The following SFN variants were observed in gnomAD, a reference collection of about 807,000 sequenced individuals.
SFN encodes stratifin.
A neutral mutation model predicts 19.1 loss-of-function variants in SFN; 5 were observed. The observed-to-expected ratio is 0.26, with a 90% CI of 0.14 to 0.55. The LOEUF (loss-of-function observed/expected upper bound fraction) is 0.55, where lower values mean the gene tolerates loss of function less well. Among genes scored for constraint, SFN ranks in the 20% least tolerant of loss-of-function variants. SFN has a pLI of 0.94. For synonymous variants in SFN, 130 were observed against 140.9 expected, an observed-to-expected ratio of 0.92 and a Z score of 0.55; for missense variants, 287 against 330.0, an observed-to-expected ratio of 0.87 and a Z score of 1.01.
chr1:26,863,712 C>T lies in SFN; in HGVS notation c.500C>T (p.Pro167Leu), dbSNP rs75914997. The T allele has an allele frequency of 1.1e-5, 18 of 1,614,072 alleles. No individual in the cohort carries two copies. The Admixed American group carries it at 2.7e-4, about 24-fold the overall frequency. Residue 167 changes from proline to leucine, a missense_variant, in exon 1 of 1, where the codon CCC (proline) becomes CTC (leucine). Transcript: ENST00000339276. The surrounding 1 kb of genome is among the most constrained non-coding windows in gnomAD (Gnocchi z 7.4). Reference protein sequence around the residue: ...ISKKEMPPTNPIRLGLALNFS... With the variant: ...ISKKEMPPTNLIRLGLALNFS... ...AAGAAGGAGATGCCGCCCACCAACC[C>T]CATCCGCCTGGGCCTGGCCCTGAAC... is the stretch of plus-strand genomic sequence containing the variant.
chr1:26,864,007 G>T lies in SFN; in HGVS notation c.*48G>T. ...CCTGCCCCCTCCAGTCCCCCACCCTGCCGAGAGGACTAGTATGGGGTGGGA... is the reference window on the plus strand; with the variant it reads ...CCTGCCCCCTCCAGTCCCCCACCCTTCCGAGAGGACTAGTATGGGGTGGGA... On this transcript the variant is annotated 3_prime_UTR_variant, in exon 1 of 1. Coordinates refer to ENST00000339276, the MANE Select transcript of SFN (RefSeq NM_006142.5). This position sits in a 1 kb window ranked among gnomAD's most constrained non-coding sequence, Gnocchi z 5.2. The T allele has an allele frequency of 6.9e-7, 1 of 1,450,516 alleles. No homozygotes were observed. The highest frequency in any genetic ancestry group is 2.4e-5 in the East Asian group (1 of 40,988). The allele number at this position is 1,450,516 out of a possible 1,614,324, so 89.9% of individuals were successfully genotyped here. A position where few individuals can be genotyped will look rare whatever the true frequency, so the allele number is the denominator to read the frequency against.
Position 26,864,102 on chromosome 1 carries a change from G to C in SFN, c.*143G>C. 1 of 736,198 alleles carries C rather than the reference G, an allele frequency of 1.4e-6. No homozygotes were observed. Among genetic ancestry groups the C allele is most frequent in the Non-Finnish European group, 2.2e-6 (1 of 449,884 alleles). 45.6% of individuals were successfully genotyped at this position (736,198 alleles called of 1,614,324 possible). A position where few individuals can be genotyped will look rare whatever the true frequency, so the allele number is the denominator to read the frequency against. On this transcript the variant is annotated 3_prime_UTR_variant, in exon 1 of 1. Transcript: ENST00000339276. This position sits in a 1 kb window ranked among gnomAD's most constrained non-coding sequence, Gnocchi z 5.2. ...TCCGTGGAGAGGGACTGGCAGAGCT[G>C]AGGCCACCTGGGGCTGGGGATCCCA...
rs3065004 is a variant in SFN, at chr1:26,864,330, G to GGTGTGTGTGTGT, written c.*395_*406dup. On this transcript the variant is annotated 3_prime_UTR_variant, in exon 1 of 1. Coordinates refer to ENST00000339276, the MANE Select transcript of SFN (RefSeq NM_006142.5). This position sits in a 1 kb window ranked among gnomAD's most constrained non-coding sequence, Gnocchi z 5.2. ...TGGACAGTGGCAGGGGCTGGAGATG[G>GGTGTGTGTGTGT]GTGTGTGTGTGTGTGTGTGTGTGTG... 67 of 202,588 alleles carry GGTGTGTGTGTGT rather than the reference G, an allele frequency of 3.3e-4. 1 individual carries two copies. Among genetic ancestry groups the GGTGTGTGTGTGT allele is most frequent in the Non-Finnish European group, 6.1e-4 (57 of 93,376 alleles). The allele number at this position is 202,588 out of a possible 1,614,324, so 12.5% of individuals were successfully genotyped here. A position where few individuals can be genotyped will look rare whatever the true frequency, so the allele number is the denominator to read the frequency against.
chr1:26,863,407 T>C lies in SFN; in HGVS notation c.195T>C (p.Ile65=). The change falls in exon 1 of 1, where the codon ATT becomes ATC. Residue 65 remains isoleucine, a synonymous_variant. Transcript: ENST00000339276. The surrounding 1 kb of genome is among the most constrained non-coding windows in gnomAD (Gnocchi z 7.4). ...CTGCCTGGAGGGTGCTGTCCAGTAT[T>C]GAGCAGAAAAGCAACGAGGAGGGCT... ...QRAAWRVLSS[I]EQKSNEEGSE... is the part of the protein sequence containing the mutation. 1 of 1,614,100 alleles carries C rather than the reference T, an allele frequency of 6.2e-7. No individual in the cohort carries two copies. The highest frequency in any genetic ancestry group is 1.1e-5 in the South Asian group (1 of 91,066).
In SFN at chr1:26,863,729, G is replaced by A; in HGVS notation, c.517G>A (p.Ala173Thr). 6.2e-7 allele frequency: 1 copy of A among 1,614,036 alleles called. No homozygotes were observed. The highest frequency in any genetic ancestry group is 1.1e-5 in the South Asian group (1 of 91,080). Residue 173 changes from alanine (A) to threonine (T), a missense_variant, in exon 1 of 1, where the codon GCC (alanine) becomes ACC (threonine). By Grantham distance (58) the Ala-to-Thr change is moderately conservative. Coordinates refer to ENST00000339276, the MANE Select transcript of SFN (RefSeq NM_006142.5). The surrounding 1 kb of genome is among the most constrained non-coding windows in gnomAD (Gnocchi z 7.4). ...CACCAACCCCATCCGCCTGGGCCTG[G>A]CCCTGAACTTTTCCGTCTTCCACTA... ...PPTNPIRLGL[A>T]LNFSVFHYEI... is the part of the protein sequence containing the mutation.
Position 26,863,609 on chromosome 1 carries a change from G to A in SFN, c.397G>A (p.Glu133Lys). The A allele has an allele frequency of 1.2e-6, 2 of 1,614,064 alleles. No homozygotes were observed. Among genetic ancestry groups the A allele is most frequent in the Middle Eastern group, 3.3e-4 (2 of 6,062 alleles). The change falls in exon 1 of 1, where the codon GAG becomes AAG. Residue 133 changes from glutamate to lysine, a missense_variant. Coordinates refer to ENST00000339276, the MANE Select transcript of SFN (RefSeq NM_006142.5). The surrounding 1 kb of genome is among the most constrained non-coding windows in gnomAD (Gnocchi z 7.4). Reference sequence around the variant, plus strand: ...GGGTGACTACTACCGCTACCTGGCCGAGGTGGCCACCGGTGACGACAAGAA... The same window carrying A: ...GGGTGACTACTACCGCTACCTGGCCAAGGTGGCCACCGGTGACGACAAGAA... ...MKGDYYRYLA[E>K]VATGDDKKRI...
Position 26,863,261 on chromosome 1 carries a change from G to A in SFN, c.49G>A (p.Glu17Lys), listed in dbSNP as rs2081767610. ...IQKAKLAEQAERYEDMAAFMK... is the reference protein window; with the variant it reads ...IQKAKLAEQAKRYEDMAAFMK... ...GAAGGCCAAGCTGGCAGAGCAGGCC[G>A]AACGCTATGAGGACATGGCAGCCTT... The change falls in exon 1 of 1, where the codon GAA (glutamate) becomes AAA (lysine). Residue 17 changes from glutamate (E) to lysine (K), a missense_variant. Glu to Lys is a moderately conservative substitution (Grantham distance 56, BLOSUM62 1). Coordinates refer to ENST00000339276, the MANE Select transcript of SFN (RefSeq NM_006142.5). The surrounding 1 kb of genome is among the most constrained non-coding windows in gnomAD (Gnocchi z 7.4). 1 of 1,614,194 alleles carries A rather than the reference G, an allele frequency of 6.2e-7. No individual in the cohort carries two copies. Among genetic ancestry groups the A allele is most frequent in the Non-Finnish European group, 8.5e-7 (1 of 1,180,040 alleles).
Position 26,863,228 on chromosome 1 carries a change from C to G in SFN, c.16C>G (p.Leu6Val). 1 of 1,614,162 alleles carries G rather than the reference C, an allele frequency of 6.2e-7. No homozygotes were observed. Among genetic ancestry groups the G allele is most frequent in the Non-Finnish European group, 8.5e-7 (1 of 1,180,040 alleles). MERASLIQKAKLAEQA... is the reference protein window; with the variant it reads MERASVIQKAKLAEQA... ...CCCCAGAGCCATGGAGAGAGCCAGT[C>G]TGATCCAGAAGGCCAAGCTGGCAGA... The change falls in exon 1 of 1, where the codon CTG becomes GTG. Residue 6 changes from leucine to valine, a missense_variant. Physicochemically the swap from Leu to Val is conservative, Grantham distance 32. Transcript: ENST00000339276. The surrounding 1 kb of genome is among the most constrained non-coding windows in gnomAD (Gnocchi z 7.4).
rs773116730 is a variant in SFN, at chr1:26,863,433, CGGA to C, written c.226_228del (p.Glu76del). 17 of 1,614,074 alleles carry C rather than the reference CGGA, an allele frequency of 1.1e-5. No homozygotes were observed. The highest frequency in any genetic ancestry group is 1.4e-5 in the Non-Finnish European group (16 of 1,180,014). ...GAGCAGAAAAGCAACGAGGAGGGCTCGGAGGAGAAGGGGCCCGAGGTGCGTGAG... is the reference window on the plus strand; with the variant it reads ...GAGCAGAAAAGCAACGAGGAGGGCTCGGAGAAGGGGCCCGAGGTGCGTGAG... On this transcript the variant is annotated inframe_deletion, in exon 1 of 1. Transcript: ENST00000339276. The surrounding 1 kb of genome is among the most constrained non-coding windows in gnomAD (Gnocchi z 7.4).
rs1486267642 is a variant in SFN, at chr1:26,863,810, G to A, written c.598G>A (p.Glu200Lys). The A allele has an allele frequency of 2.5e-6, 4 of 1,613,874 alleles. No homozygotes were observed. Among genetic ancestry groups the A allele is most frequent in the African/African-American group, 1.3e-5 (1 of 74,832 alleles). ...AISLAKTTFD[E>K]AMADLHTLSE... Reference sequence around the variant, plus strand: ...CTCTCTGGCCAAGACCACTTTCGACGAGGCCATGGCTGATCTGCACACCCT... The same window carrying A: ...CTCTCTGGCCAAGACCACTTTCGACAAGGCCATGGCTGATCTGCACACCCT... The change falls in exon 1 of 1, where the codon GAG becomes AAG. Residue 200 changes from glutamate (E) to lysine (K), a missense_variant. By Grantham distance (56) the Glu-to-Lys change is moderately conservative. Transcript: ENST00000339276. The surrounding 1 kb of genome is among the most constrained non-coding windows in gnomAD (Gnocchi z 7.4).
At position 26,864,018 on chromosome 1, in the gene SFN, T is replaced by C. The variant is rs2081773908; in HGVS notation, c.*59T>C. 1 of 1,367,938 alleles carries C rather than the reference T, an allele frequency of 7.3e-7. No homozygotes were observed. The highest frequency in any genetic ancestry group is 2.6e-5 in the Admixed American group (1 of 37,986). 84.7% of individuals were successfully genotyped at this position (1,367,938 alleles called of 1,614,324 possible). A position where few individuals can be genotyped will look rare whatever the true frequency, so the allele number is the denominator to read the frequency against. On this transcript the variant is annotated 3_prime_UTR_variant, in exon 1 of 1. Coordinates refer to ENST00000339276, the MANE Select transcript of SFN (RefSeq NM_006142.5). The surrounding 1 kb of genome is among the most constrained non-coding windows in gnomAD (Gnocchi z 5.2). Reference sequence around the variant, plus strand: ...CAGTCCCCCACCCTGCCGAGAGGACTAGTATGGGGTGGGAGGCCCCACCCT... The same window carrying C: ...CAGTCCCCCACCCTGCCGAGAGGACCAGTATGGGGTGGGAGGCCCCACCCT...
chr1:26,863,174 A>C lies in SFN; in HGVS notation c.-39A>C. Reference sequence around the variant, plus strand: ...ACAGAGTCCGGCATTGGTCCCAGGCAGCAGTTAGCCCGCCGCCCGCCTGTG... The same window carrying C: ...ACAGAGTCCGGCATTGGTCCCAGGCCGCAGTTAGCCCGCCGCCCGCCTGTG... On this transcript the variant is annotated 5_prime_UTR_variant, in exon 1 of 1. Coordinates refer to ENST00000339276, the MANE Select transcript of SFN (RefSeq NM_006142.5). This position sits in a 1 kb window ranked among gnomAD's most constrained non-coding sequence, Gnocchi z 7.4. 4 of 1,607,430 alleles carry C rather than the reference A, an allele frequency of 2.5e-6. No homozygotes were observed. Among genetic ancestry groups the C allele is most frequent in the Non-Finnish European group, 3.4e-6 (4 of 1,177,128 alleles).
In SFN at chr1:26,864,330, GGTGT is replaced by G. The variant is rs3065004; in HGVS notation, c.*403_*406del. On this transcript the variant is annotated 3_prime_UTR_variant, in exon 1 of 1. Transcript: ENST00000339276. This position sits in a 1 kb window ranked among gnomAD's most constrained non-coding sequence, Gnocchi z 5.2. ...TGGACAGTGGCAGGGGCTGGAGATG[GGTGT>G]GTGTGTGTGTGTGTGTGTGTGTGTG... 31,497 of 202,350 alleles carry G rather than the reference GGTGT, an allele frequency of 0.16. 3,001 individuals carry two copies. Among genetic ancestry groups the G allele is most frequent in the Non-Finnish European group, 0.19 (17,939 of 93,266 alleles). The allele number at this position is 202,350 out of a possible 1,614,324, so 12.5% of individuals were successfully genotyped here. A position where few individuals can be genotyped will look rare whatever the true frequency, so the allele number is the denominator to read the frequency against.
Position 26,864,193 on chromosome 1 carries a change from GC to G in SFN, c.*235del. The stretch of plus-strand genomic sequence containing the variant: ...GCCCCCACCCCTGCTCTCCGCACCC[GC>G]TTCCTCCCGACCCCAGGACCAGGCT... On this transcript the variant is annotated 3_prime_UTR_variant, in exon 1 of 1. Transcript: ENST00000339276. This position sits in a 1 kb window ranked among gnomAD's most constrained non-coding sequence, Gnocchi z 5.2. The G allele has an allele frequency of 1.9e-6, 1 of 538,944 alleles. No individual in the cohort carries two copies. Among genetic ancestry groups the G allele is most frequent in the South Asian group, 2.7e-5 (1 of 36,402 alleles). 33.4% of individuals were successfully genotyped at this position (538,944 alleles called of 1,614,324 possible).
rs774524068 is a variant in SFN at position 26,863,897 on chromosome 1, CTG to C, written c.688_689del (p.Trp230AspfsTer85). On this transcript the variant is annotated frameshift_variant, in exon 1 of 1. Transcript: ENST00000339276. LOFTEE classifies it high-confidence loss of function. This position sits in a 1 kb window ranked among gnomAD's most constrained non-coding sequence, Gnocchi z 7.4. ...GCAGCTGCTGCGAGACAACCTGACA[CTG>C]TGGACGGCCGACAACGCCGGGGAAG... ...IMQLLRDNLTLWTADNAGEEG... is the reference protein window; with the variant it reads ...IMQLLRDNLTXWTADNAGEEG... 1 of 1,614,128 alleles carries C rather than the reference CTG, an allele frequency of 6.2e-7. No individual in the cohort carries two copies. The highest frequency in any genetic ancestry group is 8.5e-7 in the Non-Finnish European group (1 of 1,180,004).
chr1:26,863,981 C>T lies in SFN; in HGVS notation c.*22C>T. Reference sequence around the variant, plus strand: ...CTGAGTGTTGCCCGCCACCGCCCCGCCCTGCCCCCTCCAGTCCCCCACCCT... The same window carrying T: ...CTGAGTGTTGCCCGCCACCGCCCCGTCCTGCCCCCTCCAGTCCCCCACCCT... On this transcript the variant is annotated 3_prime_UTR_variant, in exon 1 of 1. Coordinates refer to ENST00000339276, the MANE Select transcript of SFN (RefSeq NM_006142.5). This position sits in a 1 kb window ranked among gnomAD's most constrained non-coding sequence, Gnocchi z 7.4. 1 of 1,567,350 alleles carries T rather than the reference C, an allele frequency of 6.4e-7. No homozygotes were observed. The highest frequency in any genetic ancestry group is 8.6e-7 in the Non-Finnish European group (1 of 1,156,110).
rs1469586278 is a variant in SFN at position 26,863,402 on chromosome 1, A to G, written c.190A>G (p.Ser64Gly). ...GQRAAWRVLS[S>G]IEQKSNEEGS... ...GAGGGCTGCCTGGAGGGTGCTGTCC[A>G]GTATTGAGCAGAAAAGCAACGAGGA... is the stretch of plus-strand genomic sequence containing the variant. Residue 64 changes from serine (S) to glycine (G), a missense_variant, in exon 1 of 1, where the codon AGT (serine) becomes GGT (glycine). By Grantham distance (56) the Ser-to-Gly change is moderately conservative. Coordinates refer to ENST00000339276, the MANE Select transcript of SFN (RefSeq NM_006142.5). The surrounding 1 kb of genome is among the most constrained non-coding windows in gnomAD (Gnocchi z 7.4). 1 of 1,614,044 alleles carries G rather than the reference A, an allele frequency of 6.2e-7. No individual in the cohort carries two copies. Among genetic ancestry groups the G allele is most frequent in the Non-Finnish European group, 8.5e-7 (1 of 1,180,010 alleles).
Position 26,863,826 on chromosome 1 carries a change from T to G in SFN, c.614T>G (p.Leu205Arg). 6.2e-7 allele frequency: 1 copy of G among 1,614,072 alleles called. No homozygotes were observed. Among genetic ancestry groups the G allele is most frequent in the Non-Finnish European group, 8.5e-7 (1 of 1,180,014 alleles). Reference sequence around the variant, plus strand: ...ACTTTCGACGAGGCCATGGCTGATCTGCACACCCTCAGCGAGGACTCCTAC... The same window carrying G: ...ACTTTCGACGAGGCCATGGCTGATCGGCACACCCTCAGCGAGGACTCCTAC... ...KTTFDEAMAD[L>R]HTLSEDSYKD... is the part of the protein sequence containing the mutation. Residue 205 changes from leucine (L) to arginine (R), a missense_variant, in exon 1 of 1, where the codon CTG becomes CGG. Physicochemically the swap from Leu to Arg is moderately radical, Grantham distance 102. Coordinates refer to ENST00000339276, the MANE Select transcript of SFN (RefSeq NM_006142.5). This position sits in a 1 kb window ranked among gnomAD's most constrained non-coding sequence, Gnocchi z 7.4.
Position 26,863,423 on chromosome 1 carries a change from G to A in SFN, c.211G>A (p.Glu71Lys), listed in dbSNP as rs1232876831. 6.2e-7 allele frequency: 1 copy of A among 1,614,196 alleles called. No homozygotes were observed. Residue 71 changes from glutamate (E) to lysine (K), a missense_variant, in exon 1 of 1, where the codon GAG (glutamate) becomes AAG (lysine). Coordinates refer to ENST00000339276, the MANE Select transcript of SFN (RefSeq NM_006142.5). This position sits in a 1 kb window ranked among gnomAD's most constrained non-coding sequence, Gnocchi z 7.4. ...GTCCAGTATTGAGCAGAAAAGCAAC[G>A]AGGAGGGCTCGGAGGAGAAGGGGCC... ...VLSSIEQKSN[E>K]EGSEEKGPEV...
Sources: allele counts gnomAD v4.1 joint callset, GRCh38; gene constraint gnomAD v4.1.1; non-coding constraint Gnocchi (gnomAD v3.1); transcripts MANE v1.5; gene names NCBI Gene and HGNC (gene_info 2026-07-23, HGNC 2026-07-21).